Variants in C2orf42 observed in about 807,000 individuals in gnomAD.
The protein encoded by C2orf42 is uncharacterized protein C2orf42.
C2orf42 carries 44 observed loss-of-function variants against 58.9 expected under a neutral mutation model. The ratio of observed to expected loss-of-function variants is 0.75; its 90% CI spans 0.59 to 0.96. The LOEUF (loss-of-function observed/expected upper bound fraction) is 0.96. C2orf42 is among the 40% of genes least tolerant of loss of function. The pLI is 0.00. For synonymous variants in C2orf42, 239 were observed against 265.4 expected (o/e 0.90, Z 0.97); for missense variants, 630 against 699.2 (o/e 0.90, Z 1.12).
At chr2:70,155,312 G>A (rs1298222207) in intron 9 of C2orf42, among the ~76,000 whole-genome samples, 1 of 152,088 alleles carries the variant, frequency 6.6e-6, no homozygotes, top group African/African-American at 2.4e-5. Context: ...ATAGGCAGAG[G>A]AGCCCCTGGC....
intron 4 of C2orf42, 144 bp from the exon 5 acceptor site, chr2:70,175,921 T>C (rs1674161667): frequency 1.7e-6 from 1 of 601,332 alleles, no homozygotes; most frequent in Non-Finnish European, 3.0e-6. Context: ...AGCATTAGTC[T>C]TTACACATAA....
At chr2:70,187,177 T>C (rs1325365672) in intron 1 of C2orf42, among the ~76,000 whole-genome samples, 1 of 152,194 alleles carries the variant, frequency 6.6e-6, no homozygotes, top group East Asian at 1.9e-4. Flanking sequence ...TGCCAGCTGT[T>C]GGTGCTGTAG....
chr2:70,169,765 T>C (rs2104910926), intron 5 of C2orf42, 104 bp from the exon 6 acceptor site: 1 of 633,690 alleles, frequency 1.6e-6, no homozygotes, highest in Admixed American at 2.7e-5. Context: ...TTTATTTTTA[T>C]TTTATTTTTT....
In C2orf42 at chr2:70,165,899, T is replaced by A. The variant is rs191491088; in HGVS notation, c.1145-264A>T. The stretch of plus-strand genomic sequence containing the variant: ...AAGACCCAGTGTCTATAAAAAAAAA[T>A]TTTTTTTTTGAGATGGAGTCTCACT... On this transcript the variant is annotated intron_variant, in intron 6 of 9. Coordinates refer to ENST00000264434, the MANE Select transcript of C2orf42 (RefSeq NM_017880.3). Among the ~76,000 whole-genome samples, 3,745 of 150,064 alleles carry A rather than the reference T, an allele frequency of 0.025. 345 individuals are homozygous for A. Among genetic ancestry groups the A allele is most frequent in the Admixed American group, 0.17 (2,567 of 15,032 alleles).
chr2:70,189,016 C>T (rs992258858), intron 1 of C2orf42, among the ~76,000 whole-genome samples: 7 of 152,048 alleles, frequency 4.6e-5, no homozygotes, highest in African/African-American at 1.7e-4. Context: ...TAAGAAACAA[C>T]CTGATGTCCC....
chr2:70,182,660 A>G lies in C2orf42; in HGVS notation c.-13+7T>C, dbSNP rs1674659086. 6.6e-6 allele frequency: 1 copy of G among 152,146 alleles called. No homozygotes were observed. 9.4% of individuals were successfully genotyped at this position (152,146 alleles called of 1,614,324 possible). On this transcript the variant is annotated splice_region_variant and intron_variant, in intron 2 of 9. Transcript: ENST00000264434. ...ATCATTCCCCACAAAACCTAGCCCA[A>G]TCCTACCTGTACCAGCTGCCAAGGC...
chr2:70,157,976 G>A (rs112274461), intron 9 of C2orf42, among the ~76,000 whole-genome samples: 33 of 152,152 alleles, frequency 2.2e-4, no homozygotes, highest in African/African-American at 6.7e-4. Context: ...CGAGGTGGGC[G>A]GATCACCAGA....
intron 9 of C2orf42, among the ~76,000 whole-genome samples, chr2:70,151,996 C>T (rs146018120): frequency 6.6e-6 from 1 of 152,180 alleles, no homozygotes; most frequent in East Asian, 1.9e-4. Flanking sequence ...AGGCTGGTCT[C>T]GAACTCCTGA....
At chr2:70,163,158 G>A (rs1477521631) in intron 8 of C2orf42, among the ~76,000 whole-genome samples, 3 of 151,900 alleles carry the variant, frequency 2.0e-5, no homozygotes, top group South Asian at 2.1e-4. Flanking sequence ...GTGAGCCACC[G>A]TGCGCGGCCT....
chr2:70,160,894 A>C (rs544012561), intron 8 of C2orf42, 107 bp from the exon 9 acceptor site: 15 of 702,210 alleles, frequency 2.1e-5, no homozygotes, highest in Non-Finnish European at 3.4e-5. Flanking sequence ...CTTGTTAAGT[A>C]TATTCAAATG....
Position 70,150,215 on chromosome 2 carries a change from T to C in C2orf42, c.*141A>G. ...GAGATTTTCTTCAACAGAATCCACT[T>C]GAAAGCACTGAGAATTTGCATCTTA... On this transcript the variant is annotated 3_prime_UTR_variant, in exon 10 of 10. Coordinates refer to ENST00000264434, the MANE Select transcript of C2orf42 (RefSeq NM_017880.3). 1 of 678,434 alleles carries C rather than the reference T, an allele frequency of 1.5e-6. No homozygotes were observed. 42.0% of individuals were successfully genotyped at this position (678,434 alleles called of 1,614,324 possible).
chr2:70,165,499 C>A, intron 7 of C2orf42, 29 bp downstream of exon 7: 2 of 1,161,496 alleles, frequency 1.7e-6, no homozygotes, highest in South Asian at 2.5e-5. Flanking sequence ...TCGAGACATC[C>A]ATCACTATAC....
intron 4 of C2orf42, among the ~76,000 whole-genome samples, chr2:70,178,722 G>C (rs1197874795): frequency 6.6e-6 from 1 of 152,108 alleles, no homozygotes; most frequent in Non-Finnish European, 1.5e-5. Context: ...ATCACCTGAG[G>C]TCAGGAGTTC....
intron 1 of C2orf42, among the ~76,000 whole-genome samples, chr2:70,185,966 C>G (rs1283055648): frequency 6.7e-6 from 1 of 149,202 alleles, no homozygotes; most frequent in Admixed American, 6.8e-5. Flanking sequence ...CCCACTAGAT[C>G]CCGGTAGCAG....
chr2:70,168,237 C>T (rs574109067), intron 6 of C2orf42, among the ~76,000 whole-genome samples: 2 of 151,590 alleles, frequency 1.3e-5, no homozygotes, highest in East Asian at 2.0e-4. Flanking sequence ...CTACCTCAGC[C>T]TCCTGAGTAG....
intron 6 of C2orf42, 90 bp from the exon 7 acceptor site, chr2:70,165,725 A>G: frequency 1.4e-6 from 1 of 730,598 alleles, no homozygotes; most frequent in Admixed American, 2.3e-5. Context: ...GAATCAAGGG[A>G]CGGTAATAAC....
intron 5 of C2orf42, among the ~76,000 whole-genome samples, chr2:70,170,055 G>A (rs761978157): frequency 7.9e-5 from 12 of 151,420 alleles, no homozygotes; most frequent in Non-Finnish European, 1.5e-4. Flanking sequence ...CACCGCGCCC[G>A]GCCTGTTTTT....
intron 9 of C2orf42, among the ~76,000 whole-genome samples, chr2:70,159,151 G>T (rs1672895062): frequency 6.6e-6 from 1 of 151,994 alleles, no homozygotes; most frequent in South Asian, 2.1e-4. Context: ...CTCCCAAAGT[G>T]CTGGGATTAC....
chr2:70,185,868 G>A (rs1352446521), intron 1 of C2orf42, among the ~76,000 whole-genome samples: 3 of 151,176 alleles, frequency 2.0e-5, no homozygotes, highest in African/African-American at 7.3e-5. Context: ...CTCCACCTTG[G>A]CACTGCTGAC....
Sources: allele counts gnomAD v4.1 joint callset (sites outside exome capture counted in the v4.1 genomes callset), GRCh38; gene constraint gnomAD v4.1.1; transcripts MANE v1.5; gene names NCBI Gene and HGNC (gene_info 2026-07-23, HGNC 2026-07-21).